Variants in DNM3 observed in about 807,000 individuals in gnomAD.
DNM3 encodes dynamin 3.
A neutral mutation model predicts 101.6 loss-of-function variants in DNM3; 47 were observed. The observed-to-expected ratio is 0.46, with a 90% CI of 0.37 to 0.59. The LOEUF (loss-of-function observed/expected upper bound fraction) is 0.59. DNM3 is among the 20% of genes least tolerant of loss of function. The pLI is 0.00. For missense variants in DNM3, 849 were observed against 1,085.7 expected (o/e 0.78, Z 3.06); for synonymous variants, 385 against 387.9 (o/e 0.99, Z 0.09).
intron 1 of DNM3, among the ~76,000 whole-genome samples, chr1:171,882,937 A>T (rs1164062444): frequency 6.6e-6 from 1 of 151,978 alleles, no homozygotes; most frequent in Non-Finnish European, 1.5e-5. Flanking sequence ...GACTCATAAA[A>T]TCAGTTACAA....
chr1:171,874,492 G>A (rs1665421079), intron 1 of DNM3, among the ~76,000 whole-genome samples: 1 of 152,078 alleles, frequency 6.6e-6, no homozygotes, highest in Non-Finnish European at 1.5e-5. Flanking sequence ...AGTATCCAGT[G>A]GTAGAGTTGA....
chr1:172,124,225 G>A (rs1345569206), intron 13 of DNM3, among the ~76,000 whole-genome samples: 1 of 152,134 alleles, frequency 6.6e-6, no homozygotes, highest in Non-Finnish European at 1.5e-5. Flanking sequence ...CTACTGTGAA[G>A]TTCCTAGATA....
intron 10 of DNM3, among the ~76,000 whole-genome samples, chr1:172,049,888 G>A (rs990067478): frequency 6.6e-6 from 1 of 152,056 alleles, no homozygotes; most frequent in Non-Finnish European, 1.5e-5. Context: ...AGTAGAAGAG[G>A]CAAATGGGCT....
rs373357481 is a variant in DNM3, at chr1:171,841,823, C to T, written c.161+6C>T. On this transcript the variant is annotated splice_donor_region_variant and intron_variant, in intron 1 of 20. Transcript: ENST00000627582. ...CTCGAGAACTTCGTGGGCAGGTAAGCGCGCAGGGCGCGGAGTAAGGATGCG... is the reference window on the plus strand; with the variant it reads ...CTCGAGAACTTCGTGGGCAGGTAAGTGCGCAGGGCGCGGAGTAAGGATGCG... 2 of 1,603,526 alleles carry T rather than the reference C, an allele frequency of 1.2e-6. No individual in the cohort carries two copies. Among genetic ancestry groups the T allele is most frequent in the Admixed American group, 1.7e-5 (1 of 59,208 alleles).
At position 172,032,962 on chromosome 1, in the gene DNM3, C is replaced by T. The variant is rs114626839; in HGVS notation, c.689-143C>T. ...GCCTGTATTCAATACTGATGTTTCC[C>T]ATTGAGTTTTATAAAGGAACTCAGT... On this transcript the variant is annotated intron_variant, in intron 5 of 20. Transcript: ENST00000627582. 2.0e-3 allele frequency: 1,918 copies of T among 979,456 alleles called. 33 individuals are homozygous for T. In the African/African-American group the frequency reaches 0.028, roughly 14 times the overall value. 60.7% of individuals were successfully genotyped at this position (979,456 alleles called of 1,614,324 possible). A position where few individuals can be genotyped will look rare whatever the true frequency, so the allele number is the denominator to read the frequency against.
chr1:171,910,996 A>G (rs998043753), intron 1 of DNM3, among the ~76,000 whole-genome samples: 2 of 152,196 alleles, frequency 1.3e-5, no homozygotes, highest in African/African-American at 4.8e-5. Context: ...TTAAGGAGTC[A>G]ACACTGAAGT....
Position 172,263,168 on chromosome 1 carries a change from A to G in DNM3, c.1769+9486A>G, listed in dbSNP as rs547712679. The stretch of plus-strand genomic sequence containing the variant: ...TTCCTGATTTCTTCTAGGGGTGAGG[A>G]CTGTGATAATAGTGAACTTAGAAGG... On this transcript the variant is annotated intron_variant, in intron 15 of 20. Coordinates refer to ENST00000627582, the MANE Select transcript of DNM3 (RefSeq NM_015569.5). 3.3e-5 allele frequency among the ~76,000 whole-genome samples: 5 copies of G among 152,310 alleles called. No homozygotes were observed. In the East Asian group the frequency reaches 9.6e-4, roughly 29 times the overall value.
intron 9 of DNM3, 151 bp from the exon 10 acceptor site, chr1:172,048,461 C>A: frequency 1.3e-6 from 1 of 773,210 alleles, no homozygotes; most frequent in Non-Finnish European, 1.9e-6. Context: ...CATGATGTGC[C>A]ACATAAACAT....
intron 14 of DNM3, among the ~76,000 whole-genome samples, chr1:172,220,475 T>C (rs1013438928): frequency 1.3e-5 from 2 of 152,124 alleles, no homozygotes; most frequent in African/African-American, 4.8e-5. Context: ...CATGTAGAGT[T>C]AAGAGTGCAC....
intron 2 of DNM3, among the ~76,000 whole-genome samples, chr1:171,979,119 C>T (rs1328147905): frequency 2.0e-5 from 3 of 152,008 alleles, no homozygotes; most frequent in African/African-American, 7.2e-5. Context: ...CAGCAAAGAA[C>T]CATGGAGAAA....
chr1:172,035,080 AAAAAAG>A (rs2048862180), intron 6 of DNM3, among the ~76,000 whole-genome samples: 1 of 152,182 alleles, frequency 6.6e-6, no homozygotes, highest in African/African-American at 2.4e-5. Flanking sequence ...GTGGAGAGTA[AAAAAAG>A]GGGCGGGTTT....
At chr1:172,207,995 C>A (rs943304897) in intron 14 of DNM3, among the ~76,000 whole-genome samples, 1 of 151,410 alleles carries the variant, frequency 6.6e-6, no homozygotes, top group Non-Finnish European at 1.5e-5. Flanking sequence ...TATACAGTAA[C>A]AATGCTAAGT....
At chr1:171,892,297 G>C (rs1286076986) in intron 1 of DNM3, among the ~76,000 whole-genome samples, 4 of 152,048 alleles carry the variant, frequency 2.6e-5, no homozygotes, top group African/African-American at 4.8e-5. Flanking sequence ...AGGAGCCCTG[G>C]TTCTTTTGTT....
intron 2 of DNM3, among the ~76,000 whole-genome samples, chr1:171,941,785 CA>C (rs1487365127): frequency 2.0e-5 from 3 of 152,170 alleles, no homozygotes; most frequent in African/African-American, 7.2e-5. Flanking sequence ...CCAAACCACA[CA>C]TATTTCCCAT....
chr1:172,011,696 C>T (rs115926822), intron 4 of DNM3, among the ~76,000 whole-genome samples: 2,290 of 152,132 alleles, frequency 0.015, 54 homozygotes, highest in African/African-American at 0.052. Context: ...TCTTAGTGAA[C>T]CTTTGTTGCT....
At chr1:171,993,824 T>C (rs1331622305) in intron 4 of DNM3, among the ~76,000 whole-genome samples, 1 of 152,064 alleles carries the variant, frequency 6.6e-6, no homozygotes. Flanking sequence ...ACAATCTCAA[T>C]TGATCTGTCT....
chr1:172,020,721 C>CAAAAAAAAAAAA (rs3051630), intron 4 of DNM3, among the ~76,000 whole-genome samples: 35 of 66,312 alleles, frequency 5.3e-4, no homozygotes, highest in Non-Finnish European at 8.3e-4. Flanking sequence ...GAGACTCCGT[C>CAAAAAAAAAAAA]AAAAAAAAAA....
At chr1:171,867,432 C>T (rs1330358229) in intron 1 of DNM3, among the ~76,000 whole-genome samples, 3 of 152,200 alleles carry the variant, frequency 2.0e-5, no homozygotes, top group African/African-American at 7.2e-5. Flanking sequence ...GCGCTAGGCT[C>T]CAGTAGGCTG....
At chr1:171,851,480 C>T (rs2032957661) in intron 1 of DNM3, among the ~76,000 whole-genome samples, 1 of 152,204 alleles carries the variant, frequency 6.6e-6, no homozygotes, top group South Asian at 2.1e-4. Context: ...GTGGCATGAT[C>T]TCAGCTCACT....
Sources: allele counts gnomAD v4.1 joint callset (sites outside exome capture counted in the v4.1 genomes callset), GRCh38; gene constraint gnomAD v4.1.1; transcripts MANE v1.5; gene names NCBI Gene and HGNC (gene_info 2026-07-23, HGNC 2026-07-21).